Variants in OBI1 observed in about 807,000 individuals in gnomAD.
OBI1 encodes the protein ring finger protein 219.
In OBI1, 59 loss-of-function variants were observed where a neutral mutation model predicts 62.4. The observed-to-expected ratio is 0.95, with a 90% CI of 0.77 to 1.17. The LOEUF is 1.17. OBI1 is among the 50% of genes most tolerant of loss of function. The probability of loss-of-function intolerance (pLI) is 0.00; values close to 1 mark genes in which losing one functional copy is unlikely to be tolerated. For missense variants in OBI1, 875 were observed against 830.9 expected (o/e 1.05, Z -0.65); for synonymous variants, 302 against 292.8 (o/e 1.03, Z -0.32).
chr13:78,658,347 T>C (rs1392719035), intron 1 of OBI1, among the ~76,000 whole-genome samples: 2 of 152,028 alleles, frequency 1.3e-5, no homozygotes, highest in African/African-American at 2.4e-5. Context: ...CAAAGCTCCG[T>C]TTCTAATTCA....
chr13:78,617,725 T>G (rs1449913710), intron 5 of OBI1, among the ~76,000 whole-genome samples: 1 of 152,148 alleles, frequency 6.6e-6, no homozygotes, highest in Non-Finnish European at 1.5e-5. Flanking sequence ...GGCCTTTAAT[T>G]TATGTCAGCA....
rs114285896 is a variant in OBI1 at position 78,647,049 on chromosome 13, C to T, written c.73-2052G>A. Among the ~76,000 whole-genome samples, 348 of 152,332 alleles carry T rather than the reference C, an allele frequency of 2.3e-3. 1 individual carries two copies. Among genetic ancestry groups the T allele is most frequent in the African/African-American group, 7.8e-3 (326 of 41,572 alleles). ...AGGCAGTATGCTTGATAAAAGTCAT[C>T]ACTATTCTCCATTCTGGAGTAACCA... is the stretch of plus-strand genomic sequence containing the variant. On this transcript the variant is annotated intron_variant, in intron 1 of 5. Transcript: ENST00000282003.
At chr13:78,642,669 G>A (rs1479921032) in intron 2 of OBI1, among the ~76,000 whole-genome samples, 1 of 152,164 alleles carries the variant, frequency 6.6e-6, no homozygotes. Flanking sequence ...CGGATCACGA[G>A]GCCAGGAGAT....
At chr13:78,649,643 A>G (rs918161292) in intron 1 of OBI1, among the ~76,000 whole-genome samples, 2 of 152,230 alleles carry the variant, frequency 1.3e-5, no homozygotes, top group Non-Finnish European at 1.5e-5. Context: ...AATGGGAATG[A>G]TAAAGAGAGG....
At position 78,615,590 on chromosome 13, in the gene OBI1, G is replaced by A. The variant is rs1239525021; in HGVS notation, c.2171C>T (p.Thr724Ile). 7 of 1,593,876 alleles carry A rather than the reference G, an allele frequency of 4.4e-6. No individual in the cohort carries two copies. Among genetic ancestry groups the A allele is most frequent in the African/African-American group, 1.4e-5 (1 of 73,610 alleles). ...CACCTTTCTAATGAGTCAACTTTTAGTTGCTTTTGATGGGCTGGCACTGGA... is the reference window on the plus strand; with the variant it reads ...CACCTTTCTAATGAGTCAACTTTTAATTGCTTTTGATGGGCTGGCACTGGA... ...SLSSASPSKA[T>I]KS is the part of the protein sequence containing the mutation. The change falls in exon 6 of 6, where the codon ACT becomes ATT. Residue 724 changes from threonine to isoleucine, a missense_variant. By Grantham distance (89) the Thr-to-Ile change is moderately conservative (BLOSUM62 -1). Transcript: ENST00000282003.
intron 3 of OBI1, among the ~76,000 whole-genome samples, chr13:78,639,983 AAAGTAT>A (rs961169966): frequency 2.6e-5 from 4 of 152,028 alleles, no homozygotes; most frequent in African/African-American, 9.7e-5. Context: ...CCTAAAACTT[AAAGTAT>A]AATTAAAAAC....
chr13:78,658,825 G>A (rs958509193), intron 1 of OBI1, among the ~76,000 whole-genome samples: 4 of 152,174 alleles, frequency 2.6e-5, no homozygotes, highest in African/African-American at 9.6e-5. Flanking sequence ...GGCAGACCAC[G>A]GGCCGCTGTC....
chr13:78,629,826 A>C (rs1396393977), intron 5 of OBI1, among the ~76,000 whole-genome samples: 1 of 152,128 alleles, frequency 6.6e-6, no homozygotes, highest in East Asian at 1.9e-4. Flanking sequence ...TGGTGGATGT[A>C]GTGGAGTCAT....
chr13:78,651,382 T>C (rs747839902), intron 1 of OBI1, among the ~76,000 whole-genome samples: 1 of 152,202 alleles, frequency 6.6e-6, no homozygotes, highest in South Asian at 2.1e-4. Context: ...TTCCTGCTCA[T>C]AGTTCGAGGT....
intron 5 of OBI1, among the ~76,000 whole-genome samples, chr13:78,622,379 C>T (rs1189121363): frequency 6.6e-6 from 1 of 152,140 alleles, no homozygotes; most frequent in Non-Finnish European, 1.5e-5. Context: ...GAAATCAAGG[C>T]TGCAAGTGGG....
intron 5 of OBI1, among the ~76,000 whole-genome samples, chr13:78,628,488 G>A (rs1310445489): frequency 6.6e-6 from 1 of 152,210 alleles, no homozygotes; most frequent in Non-Finnish European, 1.5e-5. Flanking sequence ...GTAAAGATCT[G>A]CAAGGAGAGT....
intron 5 of OBI1, among the ~76,000 whole-genome samples, chr13:78,626,997 C>T (rs930971361): frequency 2.6e-5 from 4 of 152,080 alleles, no homozygotes; most frequent in South Asian, 4.1e-4. Context: ...ACCCAGGGGG[C>T]GGAGCTTGCA....
chr13:78,621,966 T>C (rs1340376123), intron 5 of OBI1, among the ~76,000 whole-genome samples: 1 of 152,192 alleles, frequency 6.6e-6, no homozygotes, highest in African/African-American at 2.4e-5. Context: ...TCCAGAAGTT[T>C]TTCACAAAAA....
chr13:78,642,029 G>T, intron 3 of OBI1, 93 bp downstream of exon 3: 3 of 544,890 alleles, frequency 5.5e-6, no homozygotes, highest in East Asian at 3.0e-5. Context: ...AATTTCATTG[G>T]ATATTTACTC....
At chr13:78,642,622 C>T (rs548844484) in intron 2 of OBI1, among the ~76,000 whole-genome samples, 2 of 152,192 alleles carry the variant, frequency 1.3e-5, no homozygotes, top group South Asian at 2.1e-4. Context: ...CAGTGGCTCA[C>T]GCCTGTAATC....
chr13:78,631,102 T>C lies in OBI1; in HGVS notation c.638+4008A>G, dbSNP rs1253186039. On this transcript the variant is annotated intron_variant, in intron 5 of 5. Coordinates refer to ENST00000282003, the MANE Select transcript of OBI1 (RefSeq NM_024546.4). ...AATGAAGAAACCTAGTCATTTTTCC[T>C]ATTGAGTATCCCACATTCTGGATTT... Among the ~76,000 whole-genome samples, 3 of 152,150 alleles carry C rather than the reference T, an allele frequency of 2.0e-5. No homozygotes were observed. In the East Asian group the frequency reaches 5.8e-4, roughly 30 times the overall value.
At position 78,616,349 on chromosome 13, in the gene OBI1, G is replaced by A; in HGVS notation, c.1412C>T (p.Ser471Phe). The change falls in exon 6 of 6, where the codon TCC (serine) becomes TTC (phenylalanine). Residue 471 changes from serine to phenylalanine, a missense_variant. Coordinates refer to ENST00000282003, the MANE Select transcript of OBI1 (RefSeq NM_024546.4). ...ATCTAAGTTTTGGGCATAGCTTGTG[G>A]AACAACAGTCCCAAAATCCTGTCTT... is the stretch of plus-strand genomic sequence containing the variant. ...SPKTGFWDCC[S>F]TSYAQNLDFE... The A allele has an allele frequency of 6.2e-7, 1 of 1,613,948 alleles. No individual in the cohort carries two copies. The highest frequency in any genetic ancestry group is 8.5e-7 in the Non-Finnish European group (1 of 1,179,874).
At chr13:78,655,190 G>T (rs1876664578) in intron 1 of OBI1, among the ~76,000 whole-genome samples, 1 of 152,154 alleles carries the variant, frequency 6.6e-6, no homozygotes, top group Admixed American at 6.5e-5. Context: ...CACAGCTTGA[G>T]TCCCAATTGA....
intron 1 of OBI1, among the ~76,000 whole-genome samples, chr13:78,654,411 A>G (rs1272645115): frequency 6.6e-6 from 1 of 152,192 alleles, no homozygotes; most frequent in Non-Finnish European, 1.5e-5. Context: ...AATTATGTAC[A>G]AGGCTGGTTC....
Sources: allele counts gnomAD v4.1 joint callset (sites outside exome capture counted in the v4.1 genomes callset), GRCh38; gene constraint gnomAD v4.1.1; transcripts MANE v1.5; gene names NCBI Gene and HGNC (gene_info 2026-07-23, HGNC 2026-07-21).